The following WDR27 variants were observed in gnomAD, a reference collection of about 807,000 sequenced individuals.
The protein encoded by WDR27 is WD repeat domain 27.
In WDR27, 100 loss-of-function variants were observed where a neutral mutation model predicts 114.4. That is an observed-to-expected ratio of 0.87 (90% CI 0.74 to 1.03). The LOEUF is 1.03. Among genes scored for constraint, WDR27 ranks in the 50% least tolerant of loss-of-function variants. The pLI, the probability that WDR27 is intolerant of heterozygous loss-of-function variation, is 0.00. For synonymous variants in WDR27, 449 were observed against 423.1 expected, an observed-to-expected ratio of 1.06 and a Z score of -0.75; for missense variants, 1,129 against 1,092.9, an observed-to-expected ratio of 1.03 and a Z score of -0.47.
At chr6:169,667,244 A>G in intron 5 of WDR27, 57 bp from the exon 6 acceptor site, 2 of 1,433,090 alleles carry the variant, frequency 1.4e-6, no homozygotes, top group South Asian at 1.7e-5. Flanking sequence ...TTATTGCAAC[A>G]GGTGAAGCTA....
intron 22 of WDR27, among the ~76,000 whole-genome samples, chr6:169,606,915 T>C (rs1441098175): frequency 1.3e-5 from 2 of 152,200 alleles, no homozygotes; most frequent in Middle Eastern, 3.2e-3. Context: ...GTTGAACTAA[T>C]GTACGTTCCC....
chr6:169,475,819 A>C (rs1472168267), intron 25 of WDR27, among the ~76,000 whole-genome samples: 2 of 152,070 alleles, frequency 1.3e-5, no homozygotes, highest in African/African-American at 4.8e-5. Flanking sequence ...GTGTCTTTGA[A>C]AGCATTTTTT....
chr6:169,507,531 A>G (rs980226804), intron 25 of WDR27, among the ~76,000 whole-genome samples: 1 of 152,162 alleles, frequency 6.6e-6, no homozygotes, highest in Non-Finnish European at 1.5e-5. Context: ...CATGGTTGAC[A>G]GGTTGGAGCT....
intron 10 of WDR27, among the ~76,000 whole-genome samples, chr6:169,660,434 T>G (rs1825750643): frequency 6.6e-6 from 1 of 152,076 alleles, no homozygotes; most frequent in African/African-American, 2.4e-5. Flanking sequence ...GCCTGGCAGA[T>G]GTAGGCAAGG....
At chr6:169,635,458 C>T (rs934764953) in intron 19 of WDR27, among the ~76,000 whole-genome samples, 3 of 152,334 alleles carry the variant, frequency 2.0e-5, no homozygotes, top group South Asian at 4.1e-4. Flanking sequence ...AGGAGGGGGC[C>T]GCTGGGTCCT....
chr6:169,628,355 A>G (rs1031230668), intron 21 of WDR27, among the ~76,000 whole-genome samples: 2 of 152,150 alleles, frequency 1.3e-5, no homozygotes, highest in Non-Finnish European at 2.9e-5. Flanking sequence ...AGCAGCCCCA[A>G]CAGACTGAGA....
intron 2 of WDR27, among the ~76,000 whole-genome samples, chr6:169,688,093 T>C (rs1266262567): frequency 6.6e-6 from 1 of 152,182 alleles, no homozygotes; most frequent in Non-Finnish European, 1.5e-5. Flanking sequence ...AAAGTGTCTA[T>C]TTACATAAGT....
At chr6:169,680,797 A>T (rs936690239) in intron 2 of WDR27, among the ~76,000 whole-genome samples, 2 of 152,222 alleles carry the variant, frequency 1.3e-5, no homozygotes, top group Non-Finnish European at 2.9e-5. Flanking sequence ...TCAGAGCAAG[A>T]ATATTACCAG....
intron 19 of WDR27, among the ~76,000 whole-genome samples, chr6:169,635,172 C>T (rs534287120): frequency 8.2e-4 from 125 of 152,050 alleles, no homozygotes; most frequent in Non-Finnish European, 1.5e-3. Flanking sequence ...TCGAGACCAG[C>T]CTGGCCAACA....
In WDR27 at chr6:169,638,665, C is replaced by T. The variant is rs1388272275; in HGVS notation, c.1748-5G>A. The T allele has an allele frequency of 2.5e-6, 4 of 1,597,312 alleles. No homozygotes were observed. The African/African-American group carries it at 4.0e-5, about 16-fold the overall frequency. On this transcript the variant is annotated splice_region_variant and splice_polypyrimidine_tract_variant and intron_variant, in intron 17 of 25. Coordinates refer to ENST00000448612, the MANE Select transcript of WDR27 (RefSeq NM_182552.5). ...CATTCACTGCCCCGTCGTGACCTAA[C>T]AGGAATGACCACAGAAGGTTACTAT...
the WDR27 span, among the ~76,000 whole-genome samples, chr6:169,448,392 ATGTGTG>A: frequency 1.9e-4 from 25 of 131,966 alleles, no homozygotes; most frequent in Non-Finnish European, 2.4e-4. Context: ...CTCTGTCTCT[ATGTGTG>A]TGTGTGTGTG....
In WDR27 at chr6:169,659,007, C is replaced by G; in HGVS notation, c.1319+79G>C. ...CGGCCAGAGCTCAGAGTTTTCTAAT[C>G]TTTATTTCTGAACATAGAAATCCAG... On this transcript the variant is annotated intron_variant, in intron 12 of 25. Coordinates refer to ENST00000448612, the MANE Select transcript of WDR27 (RefSeq NM_182552.5). This position sits in a 1 kb window ranked among gnomAD's most constrained non-coding sequence, Gnocchi z 4.3. 7 of 1,468,706 alleles carry G rather than the reference C, an allele frequency of 4.8e-6. No homozygotes were observed. Among genetic ancestry groups the G allele is most frequent in the Non-Finnish European group, 6.3e-6 (7 of 1,113,230 alleles). The allele number at this position is 1,468,706 out of a possible 1,614,324, so 91.0% of individuals were successfully genotyped here.
chr6:169,679,694 C>A (rs1015634070), intron 2 of WDR27, among the ~76,000 whole-genome samples: 2 of 152,178 alleles, frequency 1.3e-5, no homozygotes, highest in African/African-American at 2.4e-5. Flanking sequence ...TTCCTGCAGT[C>A]CTAATTAAAA....
At chr6:169,615,403 G>A (rs1435087758) in intron 21 of WDR27, among the ~76,000 whole-genome samples, 2 of 152,006 alleles carry the variant, frequency 1.3e-5, no homozygotes, top group African/African-American at 4.8e-5. Context: ...GCAGACCCCA[G>A]TGTCTGTGGT....
intron 25 of WDR27, among the ~76,000 whole-genome samples, chr6:169,483,426 A>G (rs1788463124): frequency 6.6e-6 from 1 of 152,210 alleles, no homozygotes; most frequent in Admixed American, 6.5e-5. Context: ...GAAGAAATGG[A>G]TAAATTAAAT....
In WDR27 at chr6:169,582,848, T is replaced by C. The variant is rs1234376138; in HGVS notation, c.2511A>G (p.Pro837=). The C allele has an allele frequency of 3.1e-6, 5 of 1,613,816 alleles. No homozygotes were observed. Among genetic ancestry groups the C allele is most frequent in the Admixed American group, 1.7e-5 (1 of 60,016 alleles). The change falls in exon 24 of 26, where the codon CCA becomes CCG. Residue 837 remains proline, a synonymous_variant. Transcript: ENST00000448612. ...TDTVTGVAFN[P]SAPQMESRSV... The stretch of plus-strand genomic sequence containing the variant: ...AGCAAGACTGTACCTGGGGCGCTGA[T>C]GGGTTGAAGGCCACTCCAGTGACAG...
chr6:169,579,020 G>T (rs1039619990), intron 24 of WDR27, among the ~76,000 whole-genome samples: 4 of 152,098 alleles, frequency 2.6e-5, no homozygotes, highest in Non-Finnish European at 5.9e-5. Flanking sequence ...TGGCTGAGCC[G>T]ATTTCCATGA....
intron 4 of WDR27, 21 bp from the exon 5 acceptor site, chr6:169,668,206 T>C (rs779646713): frequency 1.2e-6 from 2 of 1,612,608 alleles, no homozygotes; most frequent in Admixed American, 1.7e-5. Context: ...AAAGCCCAAA[T>C]TATTCCTCTG....
chr6:169,549,278 T>C (rs569755322), intron 25 of WDR27, among the ~76,000 whole-genome samples: 7 of 152,298 alleles, frequency 4.6e-5, no homozygotes, highest in African/African-American at 1.4e-4. Context: ...ATAAAAATAC[T>C]CCACATCACA....
Sources: allele counts gnomAD v4.1 joint callset (sites outside exome capture counted in the v4.1 genomes callset), GRCh38; gene constraint gnomAD v4.1.1; non-coding constraint Gnocchi (gnomAD v3.1); transcripts MANE v1.5; gene names NCBI Gene and HGNC (gene_info 2026-07-23, HGNC 2026-07-21).